Variants in SNX29 observed in about 807,000 individuals in gnomAD.
SNX29 encodes the protein sorting nexin 29.
Under a neutral mutation model 102.1 loss-of-function variants are expected in SNX29, and 78 were observed. The ratio of observed to expected loss-of-function variants is 0.76; its 90% CI spans 0.64 to 0.92. SNX29 has a LOEUF of 0.92. Among genes scored for constraint, SNX29 ranks in the 40% least tolerant of loss-of-function variants. The pLI is 0.00. For missense variants in SNX29, 1,280 were observed against 1,061.7 expected (o/e 1.21, Z -2.86); for synonymous variants, 580 against 414.5 (o/e 1.40, Z -4.85).
chr16:12,027,264 C>T (rs2057220161), intron 3 of SNX29, 56 bp from the exon 4 acceptor site: 1 of 1,604,916 alleles, frequency 6.2e-7, no homozygotes, highest in African/African-American at 1.3e-5. Flanking sequence ...GCTGGGGCCG[C>T]CCTAGTTGCT....
rs115584457 is a variant in SNX29 at position 12,332,471 on chromosome 16, C to T, written c.1783-23692C>T. Among the ~76,000 whole-genome samples, 946 of 152,196 alleles carry T rather than the reference C, an allele frequency of 6.2e-3. 13 individuals carry two copies. Among genetic ancestry groups the T allele is most frequent in the African/African-American group, 0.022 (906 of 41,486 alleles). On this transcript the variant is annotated intron_variant, in intron 15 of 20. Coordinates refer to ENST00000566228, the MANE Select transcript of SNX29 (RefSeq NM_032167.5). ...TTGGTGGCGTTTTAAAAATGTGTTACTCTCTTTGTGCGCCTTTTGCCTGTT... is the reference window on the plus strand; with the variant it reads ...TTGGTGGCGTTTTAAAAATGTGTTATTCTCTTTGTGCGCCTTTTGCCTGTT...
chr16:12,052,330 C>G (rs578092354), intron 8 of SNX29, 108 bp downstream of exon 8: 1 of 1,272,688 alleles, frequency 7.9e-7, no homozygotes. Context: ...TATTCTCCTG[C>G]CTCAGCCTCC....
intron 19 of SNX29, among the ~76,000 whole-genome samples, chr16:12,485,908 G>A (rs1244216254): frequency 6.6e-6 from 1 of 152,164 alleles, no homozygotes; most frequent in Non-Finnish European, 1.5e-5. Flanking sequence ...TCTAGGAGAG[G>A]GAGTAGGTGG....
intron 20 of SNX29, among the ~76,000 whole-genome samples, chr16:12,559,612 C>T (rs941898107): frequency 6.6e-6 from 1 of 152,206 alleles, no homozygotes; most frequent in Middle Eastern, 3.4e-3. Context: ...ACTGCTGCCA[C>T]GTGACCTTGC....
At chr16:12,431,416 TTTCTTC>T (rs200429366) in intron 18 of SNX29, among the ~76,000 whole-genome samples, 10 of 150,720 alleles carry the variant, frequency 6.6e-5, no homozygotes, top group South Asian at 6.2e-4. Context: ...GGCTTGAGCT[TTTCTTC>T]TTCTTCTTCT....
chr16:12,143,442 G>A (rs538409701), intron 13 of SNX29, among the ~76,000 whole-genome samples: 1 of 152,294 alleles, frequency 6.6e-6, no homozygotes, highest in South Asian at 2.1e-4. Flanking sequence ...AGACAAGTGA[G>A]GCACCTACGC....
chr16:12,262,808 C>A (rs1053769257), intron 14 of SNX29, among the ~76,000 whole-genome samples: 2 of 152,224 alleles, frequency 1.3e-5, no homozygotes, highest in Admixed American at 6.5e-5. Flanking sequence ...GTGTATAATT[C>A]ATTGGTTTTC....
At chr16:12,427,888 G>C (rs2085148595) in intron 18 of SNX29, among the ~76,000 whole-genome samples, 1 of 152,234 alleles carries the variant, frequency 6.6e-6, no homozygotes, top group Admixed American at 6.5e-5. Context: ...CAGAGCAGTT[G>C]CTAAATAAGA....
At chr16:12,091,634 A>G (rs1348974944) in intron 11 of SNX29, among the ~76,000 whole-genome samples, 1 of 151,936 alleles carries the variant, frequency 6.6e-6, no homozygotes, top group Non-Finnish European at 1.5e-5. Flanking sequence ...CACACACAAA[A>G]ATTAGACTTG....
At chr16:12,304,325 C>G (rs113873474) in intron 15 of SNX29, among the ~76,000 whole-genome samples, 1 of 152,094 alleles carries the variant, frequency 6.6e-6, no homozygotes, top group South Asian at 2.1e-4. Context: ...CAGGCTGGAG[C>G]GCAATGGCGA....
At chr16:12,045,068 A>G (rs1248084954) in intron 5 of SNX29, among the ~76,000 whole-genome samples, 4 of 152,198 alleles carry the variant, frequency 2.6e-5, no homozygotes, top group Non-Finnish European at 4.4e-5. Flanking sequence ...TTGGGAAAAC[A>G]CATTCATTTA....
chr16:12,439,292 G>A (rs1281167467), intron 18 of SNX29, among the ~76,000 whole-genome samples: 1 of 152,234 alleles, frequency 6.6e-6, no homozygotes, highest in Non-Finnish European at 1.5e-5. Flanking sequence ...ACACCTAAGA[G>A]CCACTGGAAG....
chr16:12,340,339 G>A (rs985089601), intron 15 of SNX29, among the ~76,000 whole-genome samples: 7 of 152,138 alleles, frequency 4.6e-5, no homozygotes, highest in African/African-American at 1.7e-4. Context: ...TCTCTGTAAC[G>A]GGGCATAAAG....
chr16:12,568,455 C>CA (rs1312128198), intron 20 of SNX29, 51 bp from the exon 21 acceptor site: 1 of 1,601,146 alleles, frequency 6.2e-7, no homozygotes, highest in Non-Finnish European at 8.5e-7. Flanking sequence ...GGCCTGTGGT[C>CA]ATTTGCTTTT....
At chr16:12,260,312 G>T (rs1475903711) in intron 14 of SNX29, among the ~76,000 whole-genome samples, 1 of 152,128 alleles carries the variant, frequency 6.6e-6, no homozygotes, top group African/African-American at 2.4e-5. Flanking sequence ...ATACATTCTG[G>T]ATTTCCAACA....
At chr16:12,311,183 G>GTTTT (rs1260859344) in intron 15 of SNX29, among the ~76,000 whole-genome samples, 1 of 152,178 alleles carries the variant, frequency 6.6e-6, no homozygotes, top group Admixed American at 6.5e-5. Flanking sequence ...ACTTCAGGGA[G>GTTTT]TTTTTTTCTG....
chr16:12,568,795 T>C lies in SNX29; in HGVS notation c.*166T>C. 9.0e-7 allele frequency: 1 copy of C among 1,112,534 alleles called. No homozygotes were observed. The highest frequency in any genetic ancestry group is 1.2e-6 in the Non-Finnish European group (1 of 802,494). 68.9% of individuals were successfully genotyped at this position (1,112,534 alleles called of 1,614,324 possible). ...AACACCCCGATTAAACTAATCAGTCTTCGAGCCGCATGATACCGTGACCCG... is the reference window on the plus strand; with the variant it reads ...AACACCCCGATTAAACTAATCAGTCCTCGAGCCGCATGATACCGTGACCCG... On this transcript the variant is annotated 3_prime_UTR_variant, in exon 21 of 21. Transcript: ENST00000566228.
At chr16:12,521,466 G>T (rs977295646) in intron 19 of SNX29, among the ~76,000 whole-genome samples, 1 of 151,820 alleles carries the variant, frequency 6.6e-6, no homozygotes, top group Non-Finnish European at 1.5e-5. Context: ...GGGGGTGGGG[G>T]GTTCACTTTC....
At chr16:12,226,343 C>T (rs757432488) in intron 14 of SNX29, among the ~76,000 whole-genome samples, 6 of 152,044 alleles carry the variant, frequency 3.9e-5, no homozygotes, top group Non-Finnish European at 8.8e-5. Flanking sequence ...TTTTTAATGA[C>T]CCCCTGAAAA....
Sources: gnomAD v4.1 joint callset for allele counts (sites outside exome capture counted in the v4.1 genomes callset) on GRCh38, gnomAD v4.1.1 for gene constraint, MANE v1.5 for transcripts, NCBI Gene and HGNC (gene_info 2026-07-23, HGNC 2026-07-21) for gene names.